The following TOP1 variants were observed in gnomAD, a reference collection of about 807,000 sequenced individuals.
The protein encoded by TOP1 is DNA topoisomerase 1.
A neutral mutation model predicts 111.1 loss-of-function variants in TOP1; 10 were observed. That is an observed-to-expected ratio of 0.09 (90% CI 0.06 to 0.15). The LOEUF is 0.15. Ranked by LOEUF, TOP1 falls within the 10% of genes least tolerant of loss-of-function variation. The pLI, the probability that TOP1 is intolerant of heterozygous loss-of-function variation, is 1.00. For missense variants in TOP1, 474 were observed against 926.7 expected (o/e 0.51, Z 6.34); for synonymous variants, 271 against 302.9 (o/e 0.89, Z 1.10).
chr20:41,031,304 T>C (rs1409747817), intron 2 of TOP1, among the ~76,000 whole-genome samples: 1 of 152,208 alleles, frequency 6.6e-6, no homozygotes, highest in African/African-American at 2.4e-5. Context: ...TTGACCTTGC[T>C]AGAGGAAGGT....
intron 13 of TOP1, among the ~76,000 whole-genome samples, chr20:41,105,625 G>C (rs2034133523): frequency 6.6e-6 from 1 of 152,174 alleles, no homozygotes; most frequent in Non-Finnish European, 1.5e-5. Context: ...AGCCTCCTGA[G>C]TAGCTGGGAT....
intron 13 of TOP1, among the ~76,000 whole-genome samples, chr20:41,103,004 T>A (rs1163610534): frequency 6.6e-6 from 1 of 151,892 alleles, no homozygotes; most frequent in East Asian, 1.9e-4. Context: ...AAGGGGAGGG[T>A]GGTAAGCAGA....
At chr20:41,076,359 A>G (rs1243188708) in intron 4 of TOP1, 65 bp downstream of exon 4, 5 of 1,538,028 alleles carry the variant, frequency 3.3e-6, no homozygotes, top group East Asian at 2.3e-5. Context: ...TTGAAAGCAG[A>G]TATCTTAATT....
At position 41,098,986 on chromosome 20, in the gene TOP1, TTCTA is replaced by T. The variant is rs374325777; in HGVS notation, c.975+654_975+657del. On this transcript the variant is annotated intron_variant, in intron 11 of 20. Transcript: ENST00000361337. This position sits in a 1 kb window ranked among gnomAD's most constrained non-coding sequence, Gnocchi z 5.7. ...GTGTGGCACTCAAGCCTAAAATATT[TTCTA>T]TCTAGAAAAAGTTGTCAGCCCCTGA... Among the ~76,000 whole-genome samples the T allele has an allele frequency of 2.2e-3, 330 of 152,336 alleles. 1 individual carries two copies. The highest frequency in any genetic ancestry group is 6.5e-3 in the African/African-American group (271 of 41,586).
chr20:41,086,986 G>A (rs773221759), intron 8 of TOP1, among the ~76,000 whole-genome samples: 17 of 152,130 alleles, frequency 1.1e-4, no homozygotes, highest in African/African-American at 3.1e-4. Context: ...TGACCTAGTC[G>A]GGGAGTTAAA....
Position 41,118,797 on chromosome 20 carries a change from T to C in TOP1, c.1950+501T>C, listed in dbSNP as rs1182210991. Among the ~76,000 whole-genome samples the C allele has an allele frequency of 2.0e-5, 3 of 152,240 alleles. No homozygotes were observed. Among genetic ancestry groups the C allele is most frequent in the African/African-American group, 7.2e-5 (3 of 41,462 alleles). On this transcript the variant is annotated intron_variant, in intron 18 of 20. Coordinates refer to ENST00000361337, the MANE Select transcript of TOP1 (RefSeq NM_003286.4). This position sits in a 1 kb window ranked among gnomAD's most constrained non-coding sequence, Gnocchi z 4.6. ...TTTATATAGTTCATCATCAAACATCTGTTGAATACTGGCCGTGTGCCAGAC... is the reference window on the plus strand; with the variant it reads ...TTTATATAGTTCATCATCAAACATCCGTTGAATACTGGCCGTGTGCCAGAC...
intron 2 of TOP1, among the ~76,000 whole-genome samples, chr20:41,036,517 T>C (rs1179777008): frequency 1.3e-5 from 2 of 152,254 alleles, no homozygotes; most frequent in Admixed American, 6.5e-5. Flanking sequence ...TCTGTCCTCA[T>C]TGTAAAATGT....
chr20:41,058,268 G>T lies in TOP1; in HGVS notation c.59-3126G>T, dbSNP rs76283413. Among the ~76,000 whole-genome samples the T allele has an allele frequency of 1.6e-4, 24 of 152,296 alleles. No individual in the cohort carries two copies. In the East Asian group the frequency reaches 4.4e-3, roughly 28 times the overall value. On this transcript the variant is annotated intron_variant, in intron 2 of 20. Transcript: ENST00000361337. This position sits in a 1 kb window ranked among gnomAD's most constrained non-coding sequence, Gnocchi z 4.2. ...ATTGCCTATGCATTATTAATTGATT[G>T]CTATAAAACATGTTGCCTCAAAATA...
At chr20:41,119,767 C>T (rs1247542305) in intron 18 of TOP1, among the ~76,000 whole-genome samples, 1 of 152,212 alleles carries the variant, frequency 6.6e-6, no homozygotes, top group Non-Finnish European at 1.5e-5. Context: ...ACCTTTGATT[C>T]CTTGGATCAT....
At chr20:41,085,152 G>T (rs971403971) in intron 8 of TOP1, among the ~76,000 whole-genome samples, 1 of 149,734 alleles carries the variant, frequency 6.7e-6, no homozygotes. Flanking sequence ...ATGAAAAAAA[G>T]CTCTTTTAAA....
chr20:41,028,933 G>A lies in TOP1; in HGVS notation c.-135G>A. ...CAGCCTCAGCCGTTTCTGGAGTCTC[G>A]GGCCCACAGTCACCGCCGCTTACCT... On this transcript the variant is annotated 5_prime_UTR_variant, in exon 1 of 21. Transcript: ENST00000361337. The A allele has an allele frequency of 1.4e-6, 1 of 695,630 alleles. No homozygotes were observed. The highest frequency in any genetic ancestry group is 2.4e-6 in the Non-Finnish European group (1 of 418,032). The allele number at this position is 695,630 out of a possible 1,614,324, so 43.1% of individuals were successfully genotyped here. A position where few individuals can be genotyped will look rare whatever the true frequency, so the allele number is the denominator to read the frequency against.
At position 41,097,953 on chromosome 20, in the gene TOP1, G is replaced by T. The variant is rs1213989380; in HGVS notation, c.853-262G>T. Among the ~76,000 whole-genome samples the T allele has an allele frequency of 6.6e-6, 1 of 152,026 alleles. No individual in the cohort carries two copies. The highest frequency in any genetic ancestry group is 1.5e-5 in the Non-Finnish European group (1 of 67,998). On this transcript the variant is annotated intron_variant, in intron 10 of 20. Transcript: ENST00000361337. This position sits in a 1 kb window ranked among gnomAD's most constrained non-coding sequence, Gnocchi z 4.2. ...ATAATGCCTGGGGGCTGTGTGCCAC[G>T]GAGTCTAAGAAACCACATAAGAATT... is the stretch of plus-strand genomic sequence containing the variant.
In TOP1 at chr20:41,050,502, G is replaced by A. The variant is rs116184744; in HGVS notation, c.59-10892G>A. On this transcript the variant is annotated intron_variant, in intron 2 of 20. Coordinates refer to ENST00000361337, the MANE Select transcript of TOP1 (RefSeq NM_003286.4). ...TCTCCTTGAGAATTGCTGTAAAGTA[G>A]TGATAAGGACTCTTCTGTAGGCTAC... 6.8e-3 allele frequency among the ~76,000 whole-genome samples: 1,038 copies of A among 152,328 alleles called. 8 individuals are homozygous for A. Among genetic ancestry groups the A allele is most frequent in the African/African-American group, 0.024 (980 of 41,568 alleles).
intron 3 of TOP1, among the ~76,000 whole-genome samples, chr20:41,063,737 C>T (rs1441752724): frequency 6.6e-6 from 1 of 152,036 alleles, no homozygotes; most frequent in Admixed American, 6.5e-5. Context: ...TGTATGTCAT[C>T]TTTTGAGAAA....
intron 2 of TOP1, among the ~76,000 whole-genome samples, chr20:41,039,412 G>T (rs2033231308): frequency 6.6e-6 from 1 of 152,056 alleles, no homozygotes; most frequent in South Asian, 2.1e-4. Flanking sequence ...CCCCCTTAAA[G>T]AAATTGGAGA....
chr20:41,096,832 C>T (rs749262605), intron 9 of TOP1, among the ~76,000 whole-genome samples: 3 of 152,122 alleles, frequency 2.0e-5, no homozygotes, highest in Non-Finnish European at 4.4e-5. Context: ...ACAGAGGCTG[C>T]TTAGCTTAGC....
chr20:41,103,381 C>T (rs544479682), intron 13 of TOP1, among the ~76,000 whole-genome samples: 1 of 152,290 alleles, frequency 6.6e-6, no homozygotes, highest in East Asian at 1.9e-4. Flanking sequence ...CCTGTGACAT[C>T]CACTGCTAAA....
rs2034144630 is a variant in TOP1 at position 41,106,302 on chromosome 20, G to GACAAGAATGAA, written c.1308+4954_1308+4955insAATGAAACAAG. 2.0e-5 allele frequency among the ~76,000 whole-genome samples: 3 copies of GACAAGAATGAA among 152,118 alleles called. No homozygotes were observed. Among genetic ancestry groups the GACAAGAATGAA allele is most frequent in the Admixed American group, 2.0e-4 (3 of 15,268 alleles). ...TAGCTTTATAAAGTCTATTGAGTAG[G>GACAAGAATGAA]ACAAGTTTGTTTCATTCTTCAAAAT... On this transcript the variant is annotated intron_variant, in intron 13 of 20. Transcript: ENST00000361337. The surrounding 1 kb of genome is among the most constrained non-coding windows in gnomAD (Gnocchi z 4.3).
chr20:41,121,922 A>G lies in TOP1; in HGVS notation c.2046-84A>G. 1 of 1,573,076 alleles carries G rather than the reference A, an allele frequency of 6.4e-7. No homozygotes were observed. Among genetic ancestry groups the G allele is most frequent in the Non-Finnish European group, 8.7e-7 (1 of 1,154,392 alleles). ...TGGAAATCTCTATACTAGGGCTTTT[A>G]TTGACTCAAAGTGGCAGGATGGGTA... On this transcript the variant is annotated intron_variant, in intron 19 of 20. Transcript: ENST00000361337. This position sits in a 1 kb window ranked among gnomAD's most constrained non-coding sequence, Gnocchi z 4.2.
Sources: gnomAD v4.1 joint callset for allele counts (sites outside exome capture counted in the v4.1 genomes callset) on GRCh38, gnomAD v4.1.1 for gene constraint, Gnocchi (gnomAD v3.1) non-coding constraint, MANE v1.5 for transcripts, NCBI Gene and HGNC (gene_info 2026-07-23, HGNC 2026-07-21) for gene names.